The following RAB3GAP2 variants were observed in gnomAD, a reference collection of about 807,000 sequenced individuals.
RAB3GAP2 encodes the protein rab3 GTPase-activating protein non-catalytic subunit.
In RAB3GAP2, 87 loss-of-function variants were observed where a neutral mutation model predicts 185.3. The observed-to-expected ratio is 0.47, with a 90% CI of 0.39 to 0.56. RAB3GAP2 has a LOEUF of 0.56. Ranked by LOEUF, RAB3GAP2 falls within the 20% of genes least tolerant of loss-of-function variation. The pLI is 0.00. For synonymous variants in RAB3GAP2, 554 were observed against 576.1 expected, an observed-to-expected ratio of 0.96 and a Z score of 0.55; for missense variants, 1,492 against 1,638.2, an observed-to-expected ratio of 0.91 and a Z score of 1.54.
At chr1:220,216,438 T>C (rs772365697) in intron 2 of RAB3GAP2, among the ~76,000 whole-genome samples, 1 of 152,204 alleles carries the variant, frequency 6.6e-6, no homozygotes, top group African/African-American at 2.4e-5. Context: ...GGATAGTCTT[T>C]GTTTACCCAA....
intron 27 of RAB3GAP2, among the ~76,000 whole-genome samples, chr1:220,162,693 G>A (rs1316232533): frequency 6.6e-6 from 1 of 152,204 alleles, no homozygotes; most frequent in Non-Finnish European, 1.5e-5. Context: ...AAACTGCTGG[G>A]TGGTAGCTAC....
chr1:220,221,343 T>TAA (rs1659303002), intron 2 of RAB3GAP2, among the ~76,000 whole-genome samples: 1 of 152,188 alleles, frequency 6.6e-6, no homozygotes, highest in South Asian at 2.1e-4. Context: ...TTTGAAGTGT[T>TAA]AGATGGCTAA....
chr1:220,247,416 C>T (rs1329051074), intron 1 of RAB3GAP2, among the ~76,000 whole-genome samples: 1 of 152,152 alleles, frequency 6.6e-6, no homozygotes, highest in Non-Finnish European at 1.5e-5. Flanking sequence ...CAGAATATCA[C>T]TCAGCTATAT....
intron 13 of RAB3GAP2, among the ~76,000 whole-genome samples, chr1:220,192,932 G>C (rs1658651834): frequency 6.6e-6 from 1 of 152,172 alleles, no homozygotes; most frequent in Admixed American, 6.5e-5. Flanking sequence ...CTCAAGAATG[G>C]CTTTGTGAAG....
At chr1:220,168,954 G>C (rs1050549151) in intron 24 of RAB3GAP2, among the ~76,000 whole-genome samples, 1 of 152,148 alleles carries the variant, frequency 6.6e-6, no homozygotes, top group Non-Finnish European at 1.5e-5. Flanking sequence ...CAAAAAGAAT[G>C]CTTCACAGTA....
At chr1:220,248,321 G>A (rs1446543214) in intron 1 of RAB3GAP2, among the ~76,000 whole-genome samples, 1 of 152,126 alleles carries the variant, frequency 6.6e-6, no homozygotes, top group African/African-American at 2.4e-5. Flanking sequence ...ATACTGTACT[G>A]TGTACTTGAA....
chr1:220,272,181 G>A (rs564479006), intron 1 of RAB3GAP2, 42 bp downstream of exon 1: 7 of 1,512,576 alleles, frequency 4.6e-6, no homozygotes, highest in Admixed American at 1.9e-5. Flanking sequence ...CAGAGGCCGC[G>A]GGTGACGAGG....
chr1:220,149,149 GATTT>G lies in RAB3GAP2; in HGVS notation c.*2098_*2101del, dbSNP rs886046013. ...TATTTGCCTTTCTTCCTATCAATCA[GATTT>G]ATTTATTTTAAAAGCCCTTGATAAG... On this transcript the variant is annotated 3_prime_UTR_variant, in exon 35 of 35. Transcript: ENST00000358951. 6 of 151,974 alleles carry G rather than the reference GATTT, an allele frequency of 3.9e-5. No homozygotes were observed. The highest frequency in any genetic ancestry group is 2.6e-4 in the Admixed American group (4 of 15,256). 9.4% of individuals were successfully genotyped at this position (151,974 alleles called of 1,614,324 possible).
chr1:220,257,918 A>G (rs754568147), intron 1 of RAB3GAP2, among the ~76,000 whole-genome samples: 2 of 152,210 alleles, frequency 1.3e-5, no homozygotes, highest in Non-Finnish European at 2.9e-5. Context: ...CCCCACAGAA[A>G]TACAAACAAC....
chr1:220,181,030 T>C (rs527680112), intron 21 of RAB3GAP2, among the ~76,000 whole-genome samples: 1 of 152,224 alleles, frequency 6.6e-6, no homozygotes, highest in Non-Finnish European at 1.5e-5. Context: ...GTTTTAACAA[T>C]TTACACATTT....
intron 18 of RAB3GAP2, among the ~76,000 whole-genome samples, chr1:220,185,319 A>G (rs1033368451): frequency 6.6e-6 from 1 of 152,178 alleles, no homozygotes; most frequent in African/African-American, 2.4e-5. Flanking sequence ...GTGATTCTGG[A>G]AGTCCTTAAC....
chr1:220,182,913 T>G lies in RAB3GAP2; in HGVS notation c.2017A>C (p.Arg673=). ...FSDNDLALLL[R]LDEKELLKLQ... Reference sequence around the variant, plus strand: ...TTAAGCAGTTCTTTTTCATCAAGCCTTAGTAACAGAGCCAAGTCCTTTAAA... The same window carrying G: ...TTAAGCAGTTCTTTTTCATCAAGCCGTAGTAACAGAGCCAAGTCCTTTAAA... The change falls in exon 20 of 35, where the codon AGG becomes CGG. Residue 673 remains arginine (R), a synonymous_variant. Coordinates refer to ENST00000358951, the MANE Select transcript of RAB3GAP2 (RefSeq NM_012414.4). 2 of 1,612,546 alleles carry G rather than the reference T, an allele frequency of 1.2e-6. No homozygotes were observed. The highest frequency in any genetic ancestry group is 1.7e-5 in the Admixed American group (1 of 60,018).
chr1:220,266,415 C>T (rs1452224315), intron 1 of RAB3GAP2: 2 of 444,582 alleles, frequency 4.5e-6, no homozygotes, highest in Non-Finnish European at 8.4e-6. Context: ...TGGGAGGACA[C>T]CATGCCTGGC....
chr1:220,186,319 C>A (rs1429676815), intron 17 of RAB3GAP2, among the ~76,000 whole-genome samples: 1 of 152,084 alleles, frequency 6.6e-6, no homozygotes, highest in Non-Finnish European at 1.5e-5. Context: ...AGTTAAAGGT[C>A]ATATTTATCC....
Position 220,212,954 on chromosome 1 carries a change from T to G in RAB3GAP2, c.319A>C (p.Ser107Arg). ...AVFLVPKWKY[S>R]DKGKEEMQFA... ...TGCATTTCTTCCTTTCCTTTATCACTATATTTCCATTTTGCTGTAAGAATT... is the reference window on the plus strand; with the variant it reads ...TGCATTTCTTCCTTTCCTTTATCACGATATTTCCATTTTGCTGTAAGAATT... The change falls in exon 4 of 35, where the codon AGT becomes CGT. Residue 107 changes from serine (S) to arginine (R), a missense_variant. Physicochemically the swap from Ser to Arg is moderately radical, Grantham distance 110. Transcript: ENST00000358951. 6.2e-7 allele frequency: 1 copy of G among 1,610,846 alleles called. No individual in the cohort carries two copies. The highest frequency in any genetic ancestry group is 8.5e-7 in the Non-Finnish European group (1 of 1,177,554).
At chr1:220,270,077 C>G (rs1159503383) in intron 1 of RAB3GAP2, among the ~76,000 whole-genome samples, 1 of 152,204 alleles carries the variant, frequency 6.6e-6, no homozygotes, top group Non-Finnish European at 1.5e-5. Context: ...TTACCTCCAC[C>G]TTCTCAAAAC....
chr1:220,183,253 T>G lies in RAB3GAP2; in HGVS notation c.1999-322A>C, dbSNP rs1287253117. ...TATTATCTTCTAGAATGTTAGCATTTTTTTTTTTTTTTTGAGACAGGGTCT... is the reference window on the plus strand; with the variant it reads ...TATTATCTTCTAGAATGTTAGCATTGTTTTTTTTTTTTTGAGACAGGGTCT... On this transcript the variant is annotated intron_variant, in intron 19 of 34. Coordinates refer to ENST00000358951, the MANE Select transcript of RAB3GAP2 (RefSeq NM_012414.4). Among the ~76,000 whole-genome samples the G allele has an allele frequency of 2.7e-5, 4 of 150,542 alleles. No homozygotes were observed. In the East Asian group the frequency reaches 7.7e-4, roughly 29 times the overall value.
At chr1:220,227,513 C>T (rs1659422963) in intron 2 of RAB3GAP2, among the ~76,000 whole-genome samples, 1 of 152,162 alleles carries the variant, frequency 6.6e-6, no homozygotes, top group Non-Finnish European at 1.5e-5. Flanking sequence ...AGTGTTTTTG[C>T]CGAACTCAGT....
At position 220,232,883 on chromosome 1, in the gene RAB3GAP2, C is replaced by A. The variant is rs754072097; in HGVS notation, c.116-20G>T. Reference sequence around the variant, plus strand: ...ATTTACCTGTTTTTAAAAAGATGAACAATGCTTGCATGAAATATAGGGCTT... The same window carrying A: ...ATTTACCTGTTTTTAAAAAGATGAAAAATGCTTGCATGAAATATAGGGCTT... On this transcript the variant is annotated intron_variant, in intron 1 of 34. Transcript: ENST00000358951. The A allele has an allele frequency of 6.2e-7, 1 of 1,605,090 alleles. No homozygotes were observed. The highest frequency in any genetic ancestry group is 1.1e-5 in the South Asian group (1 of 90,902).
Sources: allele counts gnomAD v4.1 joint callset (sites outside exome capture counted in the v4.1 genomes callset), GRCh38; gene constraint gnomAD v4.1.1; transcripts MANE v1.5; gene names NCBI Gene and HGNC (gene_info 2026-07-23, HGNC 2026-07-21).